The following NOS1AP variants were observed in gnomAD, a reference collection of about 807,000 sequenced individuals.
NOS1AP encodes nitric oxide synthase 1 adaptor protein, also known as carboxyl-terminal PDZ ligand of neuronal nitric oxide synthase protein.
In NOS1AP, 21 loss-of-function variants were observed where a neutral mutation model predicts 56.2. The ratio of observed to expected loss-of-function variants is 0.37; its 90% CI spans 0.26 to 0.54. NOS1AP has a LOEUF of 0.54. NOS1AP is among the 20% of genes least tolerant of loss of function. NOS1AP has a pLI of 0.84. For synonymous variants in NOS1AP, 270 were observed against 274.6 expected (o/e 0.98, Z 0.17); for missense variants, 522 against 657.8 (o/e 0.79, Z 2.26).
intron 1 of NOS1AP, among the ~76,000 whole-genome samples, chr1:162,087,192 A>G (rs961142913): frequency 1.1e-4 from 16 of 152,268 alleles, no homozygotes; most frequent in African/African-American, 3.6e-4. Context: ...CTTGAATGCT[A>G]TGGATGTCCA....
chr1:162,080,292 TCTGTTAGTTAGAAAACTAACCC>T (rs1329626702), intron 1 of NOS1AP, among the ~76,000 whole-genome samples: 2 of 152,186 alleles, frequency 1.3e-5, no homozygotes, highest in Admixed American at 6.5e-5. Flanking sequence ...GAATTCCTAC[TCTGTTAGTTAGAAAACTAACCC>T]CTGTTAGTTT....
At chr1:162,262,485 A>C (rs1274813190) in intron 2 of NOS1AP, among the ~76,000 whole-genome samples, 5 of 152,232 alleles carry the variant, frequency 3.3e-5, no homozygotes, top group Non-Finnish European at 7.3e-5. Context: ...AAATTTTTTT[A>C]GGGAGTTTAA....
chr1:162,141,202 GTAATCT>G (rs1268637298), intron 1 of NOS1AP, among the ~76,000 whole-genome samples: 1 of 152,164 alleles, frequency 6.6e-6, no homozygotes. Context: ...AATCACACTG[GTAATCT>G]TGCAAAATTT....
intron 2 of NOS1AP, among the ~76,000 whole-genome samples, chr1:162,279,509 C>T (rs1165998774): frequency 6.6e-6 from 1 of 152,182 alleles, no homozygotes; most frequent in East Asian, 1.9e-4. Flanking sequence ...CTCAACGTTC[C>T]AAACAGCAAC....
intron 1 of NOS1AP, among the ~76,000 whole-genome samples, chr1:162,145,055 A>G (rs1649403829): frequency 6.6e-6 from 1 of 152,232 alleles, no homozygotes. Flanking sequence ...TCTCCGGCAC[A>G]TTCATCGGCC....
intron 1 of NOS1AP, among the ~76,000 whole-genome samples, chr1:162,121,892 T>A (rs1648257208): frequency 6.6e-6 from 1 of 152,200 alleles, no homozygotes; most frequent in Non-Finnish European, 1.5e-5. Flanking sequence ...ATGTTCGCAG[T>A]TGGGGCGCAA....
At chr1:162,318,052 T>C (rs1191836219) in intron 4 of NOS1AP, among the ~76,000 whole-genome samples, 3 of 152,172 alleles carry the variant, frequency 2.0e-5, no homozygotes, top group Non-Finnish European at 4.4e-5. Flanking sequence ...GGCAGGTTCA[T>C]AGTTGGTGCT....
intron 3 of NOS1AP, among the ~76,000 whole-genome samples, chr1:162,296,637 G>A (rs2101749350): frequency 6.6e-6 from 1 of 152,278 alleles, no homozygotes; most frequent in East Asian, 1.9e-4. Context: ...GGGGCCCTGG[G>A]AGCCTGGTTT....
At chr1:162,167,342 A>C (rs1650548693) in intron 2 of NOS1AP, among the ~76,000 whole-genome samples, 1 of 152,220 alleles carries the variant, frequency 6.6e-6, no homozygotes, top group African/African-American at 2.4e-5. Flanking sequence ...TGGAGTGTAC[A>C]TCTAGCCTTT....
At chr1:162,345,767 A>T (rs1657274443) in intron 6 of NOS1AP, among the ~76,000 whole-genome samples, 1 of 152,218 alleles carries the variant, frequency 6.6e-6, no homozygotes, top group Non-Finnish European at 1.5e-5. Context: ...CTTCTGAAAA[A>T]CAGAAATAGT....
At chr1:162,259,649 T>C (rs917338737) in intron 2 of NOS1AP, among the ~76,000 whole-genome samples, 7 of 152,226 alleles carry the variant, frequency 4.6e-5, no homozygotes, top group African/African-American at 1.7e-4. Flanking sequence ...ATTATGTTCA[T>C]AGTGTGTAAA....
chr1:162,262,754 A>G lies in NOS1AP; in HGVS notation c.178-24590A>G, dbSNP rs191942926. ...TGCCAACTAAGTGCAAAGCATTGCT[A>G]AAAGAGCTATGGGAGATTTGAAGCT... On this transcript the variant is annotated intron_variant, in intron 2 of 9. Coordinates refer to ENST00000361897, the MANE Select transcript of NOS1AP (RefSeq NM_014697.3). Among the ~76,000 whole-genome samples, 228 of 152,308 alleles carry G rather than the reference A, an allele frequency of 1.5e-3. 1 individual carries two copies. Among genetic ancestry groups the G allele is most frequent in the African/African-American group, 5.1e-3 (213 of 41,576 alleles).
chr1:162,276,109 C>G (rs1654724089), intron 2 of NOS1AP, among the ~76,000 whole-genome samples: 1 of 152,200 alleles, frequency 6.6e-6, no homozygotes, highest in African/African-American at 2.4e-5. Context: ...ATATTTACCA[C>G]TTTATCTTTT....
At chr1:162,341,318 T>C (rs1482930949) in intron 5 of NOS1AP, among the ~76,000 whole-genome samples, 1 of 152,220 alleles carries the variant, frequency 6.6e-6, no homozygotes, top group East Asian at 1.9e-4. Context: ...GAATTTTCTA[T>C]ATAACTGTAT....
intron 1 of NOS1AP, among the ~76,000 whole-genome samples, chr1:162,088,048 C>T (rs143783831): frequency 1.3e-5 from 2 of 152,024 alleles, no homozygotes. Context: ...TTTTGAAAAG[C>T]ATCAGAACTC....
chr1:162,191,578 T>A (rs1485771104), intron 2 of NOS1AP, among the ~76,000 whole-genome samples: 1 of 152,158 alleles, frequency 6.6e-6, no homozygotes, highest in African/African-American at 2.4e-5. Context: ...TTGAGGGATC[T>A]GTGTTTGGGC....
intron 2 of NOS1AP, among the ~76,000 whole-genome samples, chr1:162,280,258 T>G (rs1654873356): frequency 1.3e-5 from 2 of 152,258 alleles, no homozygotes; most frequent in South Asian, 2.1e-4. Context: ...AGTAATACTT[T>G]TTATTTTATT....
chr1:162,119,421 A>G (rs1415522654), intron 1 of NOS1AP, among the ~76,000 whole-genome samples: 2 of 152,306 alleles, frequency 1.3e-5, no homozygotes, highest in Non-Finnish European at 1.5e-5. Context: ...TAAGAACTGT[A>G]TATGGTGTCC....
intron 2 of NOS1AP, among the ~76,000 whole-genome samples, chr1:162,257,657 A>C (rs1654077680): frequency 6.6e-6 from 1 of 151,834 alleles, no homozygotes; most frequent in South Asian, 2.1e-4. Context: ...TCAAAAAAAA[A>C]AAAGAAAAAA....
Sources: allele counts gnomAD v4.1 joint callset (sites outside exome capture counted in the v4.1 genomes callset), GRCh38; gene constraint gnomAD v4.1.1; transcripts MANE v1.5; gene names NCBI Gene and HGNC (gene_info 2026-07-23, HGNC 2026-07-21).